The following CNTN1 variants were observed in gnomAD, a reference collection of about 807,000 sequenced individuals.
CNTN1 encodes contactin-1.
In CNTN1, 38 loss-of-function variants were observed where a neutral mutation model predicts 126.4. That is an observed-to-expected ratio of 0.30 (90% CI 0.23 to 0.39). The LOEUF (loss-of-function observed/expected upper bound fraction) is 0.39, where lower values mean the gene tolerates loss of function less well. CNTN1 is among the 10% of genes least tolerant of loss of function. The pLI, the probability that CNTN1 is intolerant of heterozygous loss-of-function variation, is 1.00. For missense variants in CNTN1, 1,009 were observed against 1,248.4 expected, an observed-to-expected ratio of 0.81 and a Z score of 2.89; for synonymous variants, 413 against 422.6, an observed-to-expected ratio of 0.98 and a Z score of 0.28.
chr12:40,814,249 T>A (rs1260067173), intron 1 of CNTN1, among the ~76,000 whole-genome samples: 4 of 152,218 alleles, frequency 2.6e-5, no homozygotes, highest in Non-Finnish European at 5.9e-5. Context: ...ACTTTTGGAG[T>A]TTTTGTCATA....
At chr12:40,710,950 T>C (rs945312816) in intron 1 of CNTN1, among the ~76,000 whole-genome samples, 12 of 151,998 alleles carry the variant, frequency 7.9e-5, no homozygotes, top group Admixed American at 3.9e-4. Context: ...TCAGCCTTTT[T>C]CCACATGCTT....
At position 41,014,298 on chromosome 12, in the gene CNTN1, G is replaced by T. The variant is rs764189993; in HGVS notation, c.2184G>T (p.Ala728=). Residue 728 remains alanine, a splice_region_variant and synonymous_variant, in exon 18 of 24, where the codon GCG becomes GCT. Transcript: ENST00000551295. ...ACAGAGAGCTGACCATAACATGGGCGGTAAGTATTGATGAGTTGCACATAT... is the reference window on the plus strand; with the variant it reads ...ACAGAGAGCTGACCATAACATGGGCTGTAAGTATTGATGAGTTGCACATAT... ...GRNRELTITW[A]PLSREYHYGN... 3 of 1,613,504 alleles carry T rather than the reference G, an allele frequency of 1.9e-6. No individual in the cohort carries two copies. Among genetic ancestry groups the T allele is most frequent in the Non-Finnish European group, 2.5e-6 (3 of 1,179,646 alleles).
intron 1 of CNTN1, among the ~76,000 whole-genome samples, chr12:40,754,014 TA>T (rs1938502695): frequency 6.6e-6 from 1 of 152,092 alleles, no homozygotes; most frequent in East Asian, 1.9e-4. Flanking sequence ...TTCATATCGT[TA>T]AATTACCTTC....
At chr12:40,904,176 G>A (rs1428362238) in intron 1 of CNTN1, among the ~76,000 whole-genome samples, 1 of 151,848 alleles carries the variant, frequency 6.6e-6, no homozygotes, top group African/African-American at 2.4e-5. Flanking sequence ...CTGCCACCAC[G>A]CACAGCTAAT....
intron 17 of CNTN1, among the ~76,000 whole-genome samples, chr12:40,995,802 A>G (rs918755028): frequency 6.6e-6 from 1 of 152,230 alleles, no homozygotes; most frequent in African/African-American, 2.4e-5. Flanking sequence ...TCATCAGAAA[A>G]TATTTTGAGA....
intron 23 of CNTN1, among the ~76,000 whole-genome samples, chr12:41,051,678 G>T (rs1949686081): frequency 6.6e-6 from 1 of 151,980 alleles, no homozygotes; most frequent in Non-Finnish European, 1.5e-5. Context: ...TCAGGTAGGG[G>T]TGAACCTATA....
intron 15 of CNTN1, among the ~76,000 whole-genome samples, chr12:40,962,552 G>A (rs1191744405): frequency 6.6e-6 from 1 of 152,078 alleles, no homozygotes; most frequent in Non-Finnish European, 1.5e-5. Context: ...TGAGTTTTTT[G>A]TGTCATGTAT....
At chr12:40,707,742 T>G (rs1333236407) in intron 1 of CNTN1, among the ~76,000 whole-genome samples, 1 of 152,180 alleles carries the variant, frequency 6.6e-6, no homozygotes, top group Non-Finnish European at 1.5e-5. Context: ...AGTGTTTCAT[T>G]GTGAGATGAA....
chr12:40,894,757 G>A (rs1402101800), intron 1 of CNTN1, among the ~76,000 whole-genome samples: 1 of 152,042 alleles, frequency 6.6e-6, no homozygotes, highest in Non-Finnish European at 1.5e-5. Context: ...CTGGCTTCAT[G>A]AAGACTTATG....
intron 1 of CNTN1, among the ~76,000 whole-genome samples, chr12:40,840,272 G>A (rs889934924): frequency 6.6e-6 from 1 of 151,806 alleles, no homozygotes; most frequent in Non-Finnish European, 1.5e-5. Context: ...AATCATAAAG[G>A]AATGAATTCA....
chr12:40,898,088 GT>G (rs1944476635), intron 1 of CNTN1, among the ~76,000 whole-genome samples: 3 of 152,068 alleles, frequency 2.0e-5, no homozygotes, highest in Admixed American at 6.6e-5. Context: ...ACAATAATTT[GT>G]TTTTAGTAAT....
At chr12:40,812,003 CT>C (rs145863089) in intron 1 of CNTN1, among the ~76,000 whole-genome samples, 4,011 of 142,606 alleles carry the variant, frequency 0.028, 184 homozygotes, top group African/African-American at 0.095. Flanking sequence ...TGAGATCTTT[CT>C]TTTTTTTTTA....
rs145751536 is a variant in CNTN1, at chr12:40,808,302, T to C, written c.-76-100055T>C. 3.0e-4 allele frequency among the ~76,000 whole-genome samples: 46 copies of C among 152,306 alleles called. 1 individual carries two copies. In the East Asian group the frequency reaches 7.5e-3, roughly 25 times the overall value. ...GTGAGCTGAGATGTGCTGGTAAATG[T>C]GTAACAACTGACTCTCCCAGGGAAA... On this transcript the variant is annotated intron_variant, in intron 1 of 23. Coordinates refer to ENST00000551295, the MANE Select transcript of CNTN1 (RefSeq NM_001843.4).
At chr12:41,034,132 T>C (rs1263094216) in intron 23 of CNTN1, among the ~76,000 whole-genome samples, 1 of 152,216 alleles carries the variant, frequency 6.6e-6, no homozygotes, top group Non-Finnish European at 1.5e-5. Context: ...GGGTAGATTC[T>C]AAAAGAGCAA....
At chr12:40,999,969 G>A (rs1948316892) in intron 17 of CNTN1, among the ~76,000 whole-genome samples, 2 of 151,972 alleles carry the variant, frequency 1.3e-5, no homozygotes, top group South Asian at 4.2e-4. Context: ...GCCTCCCAAA[G>A]TGCTAGATTA....
chr12:40,831,556 G>C (rs1444060086), intron 1 of CNTN1, among the ~76,000 whole-genome samples: 1 of 152,102 alleles, frequency 6.6e-6, no homozygotes, highest in Non-Finnish European at 1.5e-5. Context: ...TGTTTTCCCT[G>C]AGTAATTAAC....
intron 1 of CNTN1, among the ~76,000 whole-genome samples, chr12:40,884,413 T>A (rs894667458): frequency 7.3e-5 from 11 of 151,680 alleles, no homozygotes; most frequent in Middle Eastern, 3.5e-3. Context: ...TTTTATCATA[T>A]TGCTCTATTA....
chr12:40,857,271 CTA>C (rs1942945949), intron 1 of CNTN1, among the ~76,000 whole-genome samples: 1 of 152,076 alleles, frequency 6.6e-6, no homozygotes, highest in African/African-American at 2.4e-5. Flanking sequence ...AATTGTATGA[CTA>C]TGAGTATTCC....
intron 1 of CNTN1, among the ~76,000 whole-genome samples, chr12:40,898,453 A>G (rs900174429): frequency 6.6e-6 from 1 of 152,214 alleles, no homozygotes; most frequent in African/African-American, 2.4e-5. Flanking sequence ...AGATGTCTGC[A>G]TGGTTAAATT....
Sources: gnomAD v4.1 joint callset for allele counts (sites outside exome capture counted in the v4.1 genomes callset) on GRCh38, gnomAD v4.1.1 for gene constraint, MANE v1.5 for transcripts, NCBI Gene and HGNC (gene_info 2026-07-23, HGNC 2026-07-21) for gene names.